DDX4: variants seen among roughly 807,000 people sequenced by gnomAD.
DDX4 encodes the protein probable ATP-dependent RNA helicase DDX4.
In DDX4, 25 loss-of-function variants were observed where a neutral mutation model predicts 100.0. The observed-to-expected ratio is 0.25, with a 90% CI of 0.18 to 0.35. The LOEUF (loss-of-function observed/expected upper bound fraction) is 0.35. DDX4 is among the 10% of genes least tolerant of loss of function. The probability of loss-of-function intolerance (pLI) is 1.00; values close to 1 mark genes in which losing one functional copy is unlikely to be tolerated. For synonymous variants in DDX4, 259 were observed against 275.7 expected, an observed-to-expected ratio of 0.94 and a Z score of 0.60; for missense variants, 635 against 882.4, an observed-to-expected ratio of 0.72 and a Z score of 3.55.
At chr5:55,768,240 C>T (rs1288989141) in intron 7 of DDX4, among the ~76,000 whole-genome samples, 1 of 152,138 alleles carries the variant, frequency 6.6e-6, no homozygotes, top group Non-Finnish European at 1.5e-5. Context: ...AGATAATAAG[C>T]ATAGTCCCTG....
intron 13 of DDX4, among the ~76,000 whole-genome samples, chr5:55,786,179 T>G (rs1369735492): frequency 1.3e-5 from 2 of 152,212 alleles, no homozygotes; most frequent in African/African-American, 2.4e-5. Flanking sequence ...CTTAGGGCAG[T>G]GATTTTTCTG....
intron 18 of DDX4, among the ~76,000 whole-genome samples, chr5:55,811,504 A>G (rs1405668585): frequency 6.6e-6 from 1 of 152,200 alleles, no homozygotes; most frequent in Non-Finnish European, 1.5e-5. Context: ...AACACACAAG[A>G]AAAACTCCAG....
chr5:55,782,086 T>C (rs1374322322), intron 10 of DDX4, 105 bp downstream of exon 10: 1 of 1,318,950 alleles, frequency 7.6e-7, no homozygotes, highest in Non-Finnish European at 1.1e-6. Flanking sequence ...TTTTTGAAGT[T>C]AAAGGTAACT....
At chr5:55,740,565 G>A (rs1277130031) in intron 2 of DDX4, among the ~76,000 whole-genome samples, 1 of 150,884 alleles carries the variant, frequency 6.6e-6, no homozygotes, top group Non-Finnish European at 1.5e-5. Flanking sequence ...GAGTGCAGTG[G>A]TGCAGTCTCA....
intron 18 of DDX4, among the ~76,000 whole-genome samples, chr5:55,803,596 A>G (rs1743476579): frequency 6.7e-6 from 1 of 149,042 alleles, no homozygotes; most frequent in South Asian, 2.1e-4. Context: ...TGTTCTTGTG[A>G]TAGTTTACTT....
chr5:55,743,215 G>A (rs944957310), intron 2 of DDX4, among the ~76,000 whole-genome samples: 1 of 152,150 alleles, frequency 6.6e-6, no homozygotes, highest in Non-Finnish European at 1.5e-5. Flanking sequence ...GCTTCTTCTA[G>A]CTTCTAGTGG....
intron 6 of DDX4, among the ~76,000 whole-genome samples, chr5:55,765,413 AATATATAT>A (rs397997793): frequency 1.6e-4 from 13 of 83,042 alleles, no homozygotes; most frequent in Middle Eastern, 5.6e-3. Flanking sequence ...AAAAAAAAAA[AATATATAT>A]ATATATATAT....
At chr5:55,779,873 A>G in intron 7 of DDX4, 91 bp from the exon 8 acceptor site, 1 of 1,496,110 alleles carries the variant, frequency 6.7e-7, no homozygotes, top group Non-Finnish European at 8.9e-7. Flanking sequence ...AAGTTACTGA[A>G]TTATTCAAGG....
intron 6 of DDX4, among the ~76,000 whole-genome samples, chr5:55,766,428 T>C (rs1003016046): frequency 1.5e-4 from 23 of 151,574 alleles, no homozygotes; most frequent in African/African-American, 5.1e-4. Flanking sequence ...GGTCCCAGAT[T>C]AGTAGTTTTG....
At chr5:55,804,559 G>A (rs1457352980) in intron 18 of DDX4, among the ~76,000 whole-genome samples, 14 of 152,100 alleles carry the variant, frequency 9.2e-5, no homozygotes, top group Non-Finnish European at 1.9e-4. Context: ...AGTTTTCCCA[G>A]CACCATTTAT....
intron 19 of DDX4, among the ~76,000 whole-genome samples, chr5:55,814,482 ATTAATGT>A (rs900036164): frequency 2.6e-5 from 4 of 151,304 alleles, no homozygotes; most frequent in African/African-American, 9.8e-5. Flanking sequence ...AGAAGTGAAC[ATTAATGT>A]TAAATGCTGC....
At chr5:55,763,502 CTCT>C (rs1740694101) in intron 5 of DDX4, among the ~76,000 whole-genome samples, 1 of 151,998 alleles carries the variant, frequency 6.6e-6, no homozygotes, top group African/African-American at 2.4e-5. Context: ...AGATGCATAA[CTCT>C]TAGACATAGG....
At position 55,816,850 on chromosome 5, in the gene DDX4, G is replaced by T; in HGVS notation, c.*310G>T. 3.9e-6 allele frequency: 1 copy of T among 257,868 alleles called. No homozygotes were observed. The highest frequency in any genetic ancestry group is 7.2e-6 in the Non-Finnish European group (1 of 139,812). 16.0% of individuals were successfully genotyped at this position (257,868 alleles called of 1,614,324 possible). ...TTTAAATGCCAAGTCTTACTATAGT[G>T]TTTATTGATCTTATAAAACAAGCAA... On this transcript the variant is annotated 3_prime_UTR_variant, in exon 22 of 22. Coordinates refer to ENST00000505374, the MANE Select transcript of DDX4 (RefSeq NM_024415.3).
intron 7 of DDX4, chr5:55,777,414 G>A (rs1741631886): frequency 6.6e-6 from 1 of 152,108 alleles, no homozygotes; most frequent in African/African-American, 2.4e-5. Context: ...AGGCCAGCCT[G>A]AGCAACTAAA....
rs139217025 is a variant in DDX4 at position 55,761,150 on chromosome 5, A to G, written c.205+873A>G. ...ATTTTGACATGTTTCTGCCACTAATAGAAATGATTTATTCAAATATACACA... is the reference window on the plus strand; with the variant it reads ...ATTTTGACATGTTTCTGCCACTAATGGAAATGATTTATTCAAATATACACA... On this transcript the variant is annotated intron_variant, in intron 4 of 21. Transcript: ENST00000505374. Among the ~76,000 whole-genome samples, 330 of 152,306 alleles carry G rather than the reference A, an allele frequency of 2.2e-3. 1 individual carries two copies. Among genetic ancestry groups the G allele is most frequent in the African/African-American group, 6.0e-3 (250 of 41,574 alleles).
intron 14 of DDX4, 120 bp from the exon 15 acceptor site, chr5:55,787,726 C>A: frequency 8.9e-7 from 1 of 1,119,416 alleles, no homozygotes; most frequent in Non-Finnish European, 1.2e-6. Context: ...CATTTCTCAT[C>A]TTAAATTTAC....
chr5:55,798,092 T>G (rs2112100572), intron 17 of DDX4, among the ~76,000 whole-genome samples: 1 of 152,378 alleles, frequency 6.6e-6, no homozygotes, highest in African/African-American at 2.4e-5. Context: ...AAATAATTCC[T>G]GCTTATTGCA....
At chr5:55,767,620 A>G (rs1055894648) in intron 6 of DDX4, among the ~76,000 whole-genome samples, 5 of 152,208 alleles carry the variant, frequency 3.3e-5, no homozygotes, top group African/African-American at 1.2e-4. Flanking sequence ...TTTGCGTAGT[A>G]TAATGCTTGG....
intron 7 of DDX4, among the ~76,000 whole-genome samples, chr5:55,772,051 T>G (rs1741283183): frequency 6.6e-6 from 1 of 152,140 alleles, no homozygotes; most frequent in Non-Finnish European, 1.5e-5. Flanking sequence ...AAACCCCGTC[T>G]GTACTAAAAA....
Sources: allele counts gnomAD v4.1 joint callset (sites outside exome capture counted in the v4.1 genomes callset), GRCh38; gene constraint gnomAD v4.1.1; transcripts MANE v1.5; gene names NCBI Gene and HGNC (gene_info 2026-07-23, HGNC 2026-07-21).